EFCAB11: variants seen among roughly 807,000 people sequenced by gnomAD.
EFCAB11 encodes the protein EF-hand calcium binding domain 11.
In EFCAB11, 14 loss-of-function variants were observed where a neutral mutation model predicts 23.0. The ratio of observed to expected loss-of-function variants is 0.61; its 90% CI spans 0.40 to 0.95. The LOEUF (loss-of-function observed/expected upper bound fraction) is 0.95, where lower values mean the gene tolerates loss of function less well. Among genes scored for constraint, EFCAB11 ranks in the 40% least tolerant of loss-of-function variants. EFCAB11 has a pLI of 0.00. For missense variants in EFCAB11, 198 were observed against 195.8 expected (o/e 1.01, Z -0.07); for synonymous variants, 65 against 66.6 (o/e 0.98, Z 0.11).
Position 89,892,318 on chromosome 14 carries a change from C to T in EFCAB11, c.410+39223G>A, listed in dbSNP as rs933015233. 71 of 1,613,746 alleles carry T rather than the reference C, an allele frequency of 4.4e-5. No homozygotes were observed. In the Admixed American group the frequency reaches 1.2e-3, roughly 27 times the overall value. On this transcript the variant is annotated intron_variant, in intron 5 of 5. Coordinates refer to ENST00000316738, the MANE Select transcript of EFCAB11 (RefSeq NM_145231.4). ...CCTTTGACGCCCTCACTGATGCTAT[C>T]CAGCAGGCCCTGCAGCAGGGGGACA...
chr14:89,870,924 A>G (rs1888249300), intron 5 of EFCAB11, among the ~76,000 whole-genome samples: 2 of 152,286 alleles, frequency 1.3e-5, no homozygotes, highest in African/African-American at 4.8e-5. Flanking sequence ...TGGTCAACAG[A>G]GTGAGATTTT....
chr14:89,857,861 T>C lies in EFCAB11; in HGVS notation c.411-60537A>G, dbSNP rs181714136. 6.5e-4 allele frequency among the ~76,000 whole-genome samples: 99 copies of C among 152,304 alleles called. 1 individual carries two copies. The highest frequency in any genetic ancestry group is 2.2e-3 in the African/African-American group (93 of 41,558). On this transcript the variant is annotated intron_variant, in intron 5 of 5. Coordinates refer to ENST00000316738, the MANE Select transcript of EFCAB11 (RefSeq NM_145231.4). ...ATGATTTTTTTACTACTGTATCTCA[T>C]TATCTTATACAAGAGAATAAAAAGA...
At chr14:89,805,526 G>A (rs575571232) in intron 5 of EFCAB11, among the ~76,000 whole-genome samples, 1 of 152,304 alleles carries the variant, frequency 6.6e-6, no homozygotes, top group Admixed American at 6.5e-5. Flanking sequence ...CCTACCATAA[G>A]GGTGCAATTT....
At chr14:89,872,250 G>A (rs549555499) in intron 5 of EFCAB11, among the ~76,000 whole-genome samples, 9 of 152,228 alleles carry the variant, frequency 5.9e-5, no homozygotes, top group African/African-American at 1.9e-4. Context: ...GGCCACCTAC[G>A]TTGGGTCTTA....
intron 5 of EFCAB11, among the ~76,000 whole-genome samples, chr14:89,917,618 A>C (rs143550404): frequency 0.036 from 5,410 of 152,304 alleles, 177 homozygotes; most frequent in Admixed American, 0.098. Context: ...ATTACTAGGC[A>C]GTGGCATTTC....
In EFCAB11 at chr14:89,870,660, G is replaced by A. The variant is rs73320714; in HGVS notation, c.410+60881C>T. Among the ~76,000 whole-genome samples, 1,106 of 151,966 alleles carry A rather than the reference G, an allele frequency of 7.3e-3. 21 individuals carry two copies. The highest frequency in any genetic ancestry group is 0.025 in the African/African-American group (1,033 of 41,424). On this transcript the variant is annotated intron_variant, in intron 5 of 5. Coordinates refer to ENST00000316738, the MANE Select transcript of EFCAB11 (RefSeq NM_145231.4). The stretch of plus-strand genomic sequence containing the variant: ...AAGATTACCATAGCTGGCTGGAAGC[G>A]GTGGCTCATGCCTGTAATCCCAGCA...
chr14:89,909,948 C>A (rs894448940), intron 5 of EFCAB11, among the ~76,000 whole-genome samples: 2 of 152,128 alleles, frequency 1.3e-5, no homozygotes, highest in Non-Finnish European at 2.9e-5. Context: ...AGCCTTGGTG[C>A]CCCCTCCCCA....
At chr14:89,930,770 T>C (rs986889276) in intron 5 of EFCAB11, among the ~76,000 whole-genome samples, 5 of 152,162 alleles carry the variant, frequency 3.3e-5, no homozygotes, top group African/African-American at 9.7e-5. Flanking sequence ...GAAATGAATT[T>C]CTATATTTTT....
intron 5 of EFCAB11, among the ~76,000 whole-genome samples, chr14:89,845,481 C>T (rs955095129): frequency 6.6e-6 from 1 of 152,156 alleles, no homozygotes; most frequent in African/African-American, 2.4e-5. Context: ...AAGATTTCGA[C>T]GTCAGCACAG....
intron 5 of EFCAB11, among the ~76,000 whole-genome samples, chr14:89,916,396 C>A (rs1024835402): frequency 6.6e-6 from 1 of 152,114 alleles, no homozygotes; most frequent in Non-Finnish European, 1.5e-5. Context: ...TGGTTAAAAG[C>A]CATCTGACAG....
chr14:89,919,388 C>T (rs755373503), intron 5 of EFCAB11, among the ~76,000 whole-genome samples: 23 of 152,156 alleles, frequency 1.5e-4, no homozygotes, highest in Middle Eastern at 3.4e-3. Flanking sequence ...GAACAAAGGG[C>T]GGGGGCCTTG....
At chr14:89,858,656 ATTTTTTTTTTT>A (rs10648464) in intron 5 of EFCAB11, among the ~76,000 whole-genome samples, 5 of 88,990 alleles carry the variant, frequency 5.6e-5, no homozygotes, top group African/African-American at 1.3e-4. Flanking sequence ...CACCCAGCTA[ATTTTTTTTTTT>A]TTTTTTTTTT....
chr14:89,813,497 G>A (rs184187748), intron 5 of EFCAB11, among the ~76,000 whole-genome samples: 4 of 152,226 alleles, frequency 2.6e-5, no homozygotes, highest in Admixed American at 6.5e-5. Context: ...CTTTGGTTTG[G>A]TATGAATATG....
intron 5 of EFCAB11, among the ~76,000 whole-genome samples, chr14:89,925,542 A>G (rs56034277): frequency 0.19 from 28,680 of 152,108 alleles, 3,152 homozygotes; most frequent in South Asian, 0.32. Flanking sequence ...GCCATTTTTA[A>G]TGGGTAGAAA....
At chr14:89,898,635 G>T (rs536365549) in intron 5 of EFCAB11, among the ~76,000 whole-genome samples, 1 of 149,758 alleles carries the variant, frequency 6.7e-6, no homozygotes, top group South Asian at 2.1e-4. Context: ...AAAGTGCTGG[G>T]ATTACAGATG....
chr14:89,852,265 G>A (rs1459632869), intron 5 of EFCAB11, among the ~76,000 whole-genome samples: 1 of 152,226 alleles, frequency 6.6e-6, no homozygotes, highest in Non-Finnish European at 1.5e-5. Context: ...AAGTTAATCA[G>A]TTAATCTTTA....
At chr14:89,919,073 G>A (rs1889939905) in intron 5 of EFCAB11, among the ~76,000 whole-genome samples, 1 of 151,932 alleles carries the variant, frequency 6.6e-6, no homozygotes, top group South Asian at 2.1e-4. Flanking sequence ...GTTTCTGCCT[G>A]TACTGTGACA....
In EFCAB11 at chr14:89,953,918, G is replaced by T. The variant is rs1171007976; in HGVS notation, c.159C>A (p.Tyr53Ter). The T allele has an allele frequency of 6.2e-7, 1 of 1,613,342 alleles. No homozygotes were observed. Among genetic ancestry groups the T allele is most frequent in the Non-Finnish European group, 8.5e-7 (1 of 1,179,864 alleles). ...AAGAAAGCTCTACCTTGGAGGGCTT[G>T]TACCCAAACAGCATTACAACAGCAG... ...FKTAVVMLFGYKPSKIEVDSV... is the reference protein window; with the variant it reads ...FKTAVVMLFG The change falls in exon 2 of 6, where the codon TAC becomes TAA. Residue 53 changes from tyrosine to a stop codon, truncating the protein, a stop_gained. Transcript: ENST00000316738. LOFTEE classifies it high-confidence loss of function.
intron 5 of EFCAB11, among the ~76,000 whole-genome samples, chr14:89,875,480 G>C (rs1888409534): frequency 6.6e-6 from 1 of 152,030 alleles, no homozygotes; most frequent in Non-Finnish European, 1.5e-5. Flanking sequence ...ATGTTGAGGT[G>C]GAAAAAAATG....
Sources: allele counts gnomAD v4.1 joint callset (sites outside exome capture counted in the v4.1 genomes callset), GRCh38; gene constraint gnomAD v4.1.1; transcripts MANE v1.5; gene names NCBI Gene and HGNC (gene_info 2026-07-23, HGNC 2026-07-21).